PLCL1: variants seen among roughly 807,000 people sequenced by gnomAD.
PLCL1 encodes the protein phospholipase C like 1 (inactive), also known as inactive phospholipase C-like protein 1.
In PLCL1, 41 loss-of-function variants were observed where a neutral mutation model predicts 84.4. The ratio of observed to expected loss-of-function variants is 0.49; its 90% confidence interval spans 0.38 to 0.63. PLCL1 has a LOEUF of 0.63. Among genes scored for constraint, PLCL1 ranks in the 30% least tolerant of loss-of-function variants. The pLI, the probability that PLCL1 is intolerant of heterozygous loss-of-function variation, is 0.00. For missense variants in PLCL1, 1,206 were observed against 1,367.8 expected (o/e 0.88, Z 1.87); for synonymous variants, 490 against 488.3 (o/e 1.00, Z -0.05).
chr2:197,960,051 G>A (rs1402039087), intron 1 of PLCL1, among the ~76,000 whole-genome samples: 2 of 152,092 alleles, frequency 1.3e-5, no homozygotes, highest in Non-Finnish European at 2.9e-5. Context: ...GGAAAACAGA[G>A]CTATCTCTTC....
intron 5 of PLCL1, among the ~76,000 whole-genome samples, chr2:198,116,553 A>C (rs1442141797): frequency 1.3e-5 from 2 of 151,882 alleles, no homozygotes; most frequent in African/African-American, 4.8e-5. Flanking sequence ...ATTCATAAAA[A>C]TTTACACATA....
At position 198,084,654 on chromosome 2, in the gene PLCL1, G is replaced by T. The variant is rs1312076415; in HGVS notation, c.1137G>T (p.Gln379His). ...KGFLAIDGFT[Q>H]YLLSSECDIF... is the part of the protein sequence containing the mutation. The stretch of plus-strand genomic sequence containing the variant: ...TTCTTGCAATTGATGGCTTTACCCA[G>T]TATTTATTGTCATCAGAATGTGACA... Residue 379 changes from glutamine (Q) to histidine (H), a missense_variant, in exon 2 of 6, where the codon CAG (glutamine) becomes CAT (histidine). Coordinates refer to ENST00000428675, the MANE Select transcript of PLCL1 (RefSeq NM_006226.4). 6 of 1,613,916 alleles carry T rather than the reference G, an allele frequency of 3.7e-6. No homozygotes were observed. In the Admixed American group the frequency reaches 1.0e-4, roughly 27 times the overall value.
At chr2:197,859,861 A>G (rs1687396623) in intron 1 of PLCL1, among the ~76,000 whole-genome samples, 1 of 152,148 alleles carries the variant, frequency 6.6e-6, no homozygotes. Context: ...ACATTACAGA[A>G]CAGATCTCTG....
chr2:197,856,273 T>C (rs962774365), intron 1 of PLCL1, among the ~76,000 whole-genome samples: 1 of 152,194 alleles, frequency 6.6e-6, no homozygotes, highest in African/African-American at 2.4e-5. Flanking sequence ...CTTTTTATAG[T>C]TGTCATATCC....
intron 1 of PLCL1, among the ~76,000 whole-genome samples, chr2:197,913,002 G>T (rs1447604888): frequency 6.6e-6 from 1 of 151,968 alleles, no homozygotes; most frequent in Non-Finnish European, 1.5e-5. Flanking sequence ...TCTTATGCTG[G>T]ATCTTCAAAT....
chr2:197,963,624 C>T (rs1689667574), intron 1 of PLCL1, among the ~76,000 whole-genome samples: 2 of 152,070 alleles, frequency 1.3e-5, no homozygotes. Context: ...CTTTGGTTGC[C>T]TTTGCTTGTA....
chr2:198,140,399 T>A (rs1273380688), intron 5 of PLCL1, among the ~76,000 whole-genome samples: 5 of 152,166 alleles, frequency 3.3e-5, no homozygotes, highest in African/African-American at 4.8e-5. Flanking sequence ...AAAACTATTT[T>A]AAAAAACATG....
chr2:197,870,401 C>T (rs1039408702), intron 1 of PLCL1, among the ~76,000 whole-genome samples: 3 of 152,006 alleles, frequency 2.0e-5, no homozygotes, highest in African/African-American at 4.8e-5. Flanking sequence ...GCCTATGGTT[C>T]GTTTTTGTGG....
At chr2:197,864,299 G>A (rs1230045724) in intron 1 of PLCL1, among the ~76,000 whole-genome samples, 1 of 150,860 alleles carries the variant, frequency 6.6e-6, no homozygotes, top group Non-Finnish European at 1.5e-5. Context: ...TGAGCATCAT[G>A]GTAACAGAGG....
chr2:197,900,610 A>G (rs1688245434), intron 1 of PLCL1, among the ~76,000 whole-genome samples: 2 of 152,214 alleles, frequency 1.3e-5, no homozygotes, highest in African/African-American at 4.8e-5. Flanking sequence ...AAATCCCTGG[A>G]GAATCTGGGC....
Position 198,076,749 on chromosome 2 carries a change from T to TA in PLCL1, c.241-7005dup, listed in dbSNP as rs567655333. ...AAGTAACTGGAGTTGACCATGGGAA[T>TA]AAAACTTGGGAAAATTTAACGTGAA... On this transcript the variant is annotated intron_variant, in intron 1 of 5. Transcript: ENST00000428675. Among the ~76,000 whole-genome samples the TA allele has an allele frequency of 2.6e-4, 40 of 152,328 alleles. No individual in the cohort carries two copies. The South Asian group carries it at 7.9e-3, about 30-fold the overall frequency.
At chr2:198,124,933 C>T (rs1390503817) in intron 5 of PLCL1, among the ~76,000 whole-genome samples, 1 of 152,142 alleles carries the variant, frequency 6.6e-6, no homozygotes, top group Admixed American at 6.5e-5. Context: ...AAAATAATTA[C>T]AATTGAATAA....
chr2:198,137,352 G>C (rs998452914), intron 5 of PLCL1, among the ~76,000 whole-genome samples: 12 of 152,048 alleles, frequency 7.9e-5, no homozygotes, highest in African/African-American at 2.9e-4. Flanking sequence ...ACTAAGAACG[G>C]TTATTTAGCA....
intron 1 of PLCL1, among the ~76,000 whole-genome samples, chr2:197,907,869 G>T (rs12053019): frequency 1.3e-5 from 2 of 152,236 alleles, no homozygotes; most frequent in East Asian, 3.9e-4. Flanking sequence ...TATTTAATTG[G>T]TCTGGGGCAC....
intron 1 of PLCL1, among the ~76,000 whole-genome samples, chr2:197,863,852 C>G (rs1429846147): frequency 6.6e-6 from 1 of 152,052 alleles, no homozygotes; most frequent in African/African-American, 2.4e-5. Context: ...TGTCAGAGGA[C>G]TTTTTTTATA....
intron 1 of PLCL1, among the ~76,000 whole-genome samples, chr2:198,082,643 G>A (rs547388704): frequency 1.2e-4 from 19 of 152,244 alleles, no homozygotes; most frequent in Non-Finnish European, 2.2e-4. Context: ...ACAGAGACTA[G>A]TATAAAGAAA....
intron 1 of PLCL1, among the ~76,000 whole-genome samples, chr2:198,061,138 A>G (rs550946912): frequency 2.0e-5 from 3 of 152,324 alleles, no homozygotes; most frequent in African/African-American, 4.8e-5. Context: ...TGAAAAAAAG[A>G]TTACAGATAA....
intron 1 of PLCL1, among the ~76,000 whole-genome samples, chr2:197,929,388 G>A (rs990380894): frequency 2.0e-5 from 3 of 152,160 alleles, no homozygotes; most frequent in Admixed American, 2.0e-4. Flanking sequence ...ACTGTTGAAT[G>A]AAGATTCTTT....
intron 5 of PLCL1, among the ~76,000 whole-genome samples, chr2:198,118,296 A>AC (rs1485446740): frequency 6.6e-6 from 1 of 151,958 alleles, no homozygotes; most frequent in East Asian, 1.9e-4. Context: ...CTACTTAATA[A>AC]CCACCACCTT....
Sources: gnomAD v4.1 joint callset for allele counts (sites outside exome capture counted in the v4.1 genomes callset) on GRCh38, gnomAD v4.1.1 for gene constraint, MANE v1.5 for transcripts, NCBI Gene and HGNC (gene_info 2026-07-23, HGNC 2026-07-21) for gene names.